Variants in KLF12 observed in about 807,000 individuals in gnomAD.
KLF12 encodes the protein Krueppel-like factor 12.
A neutral mutation model predicts 37.8 loss-of-function variants in KLF12; 9 were observed. The observed-to-expected ratio is 0.24, with a 90% CI of 0.14 to 0.42. The LOEUF is 0.42. KLF12 is among the 10% of genes least tolerant of loss of function. The pLI, the probability that KLF12 is intolerant of heterozygous loss-of-function variation, is 1.00. For missense variants in KLF12, 411 were observed against 516.0 expected (o/e 0.80, Z 1.97); for synonymous variants, 208 against 202.1 (o/e 1.03, Z -0.25).
At chr13:74,217,898 T>C in the KLF12 span, among the ~76,000 whole-genome samples, 1 of 152,332 alleles carries the variant, frequency 6.6e-6, no homozygotes, top group East Asian at 1.9e-4. Flanking sequence ...CTTACAATGA[T>C]GTGCTGGAAT....
chr13:74,217,396 A>G, the KLF12 span, among the ~76,000 whole-genome samples: 1 of 152,046 alleles, frequency 6.6e-6, no homozygotes. Context: ...GTCCTCCACA[A>G]TATAAAGAGA....
intron 2 of KLF12, among the ~76,000 whole-genome samples, chr13:73,992,952 C>A (rs553481063): frequency 6.6e-6 from 1 of 152,290 alleles, no homozygotes; most frequent in South Asian, 2.1e-4. Context: ...AGCAGTGAGG[C>A]TGGGCACAGT....
the KLF12 span, among the ~76,000 whole-genome samples, chr13:74,157,777 G>A: frequency 6.6e-6 from 1 of 152,188 alleles, no homozygotes; most frequent in African/African-American, 2.4e-5. Context: ...TTAAGCACAA[G>A]GAATTTACTG....
chr13:73,973,689 G>A (rs912801145), intron 2 of KLF12, among the ~76,000 whole-genome samples: 1 of 151,970 alleles, frequency 6.6e-6, no homozygotes, highest in African/African-American at 2.4e-5. Flanking sequence ...AAGTCATAGG[G>A]AAAACAGGTA....
chr13:74,060,230 T>C (rs1873492150), intron 1 of KLF12, among the ~76,000 whole-genome samples: 1 of 152,192 alleles, frequency 6.6e-6, no homozygotes, highest in South Asian at 2.1e-4. Flanking sequence ...TAGGATTGTT[T>C]TGGTTGCTCG....
At chr13:74,238,165 G>T in the KLF12 span, among the ~76,000 whole-genome samples, 1 of 131,988 alleles carries the variant, frequency 7.6e-6, no homozygotes. Context: ...GTTGAATTTT[G>T]TCAAAAGCTT....
the KLF12 span, among the ~76,000 whole-genome samples, chr13:74,149,038 C>T: frequency 6.6e-6 from 1 of 152,164 alleles, no homozygotes; most frequent in African/African-American, 2.4e-5. Context: ...TTGTCTTGAA[C>T]CCCTGACCTC....
At position 74,065,419 on chromosome 13, in the gene KLF12, A is replaced by G. The variant is rs75300930; in HGVS notation, c.-32+68320T>C. 8.8e-3 allele frequency among the ~76,000 whole-genome samples: 1,328 copies of G among 151,516 alleles called. 25 individuals are homozygous for G. Among genetic ancestry groups the G allele is most frequent in the African/African-American group, 0.031 (1,267 of 41,354 alleles). On this transcript the variant is annotated intron_variant, in intron 1 of 7. Coordinates refer to ENST00000377669, the MANE Select transcript of KLF12 (RefSeq NM_007249.5). ...ATGTCAAAGTTACTATAACTTATAC[A>G]ATGAAGTAATTTATCTGGATCTTCA... is the stretch of plus-strand genomic sequence containing the variant.
chr13:74,105,065 A>G (rs929394304), intron 1 of KLF12, among the ~76,000 whole-genome samples: 1 of 152,222 alleles, frequency 6.6e-6, no homozygotes, highest in African/African-American at 2.4e-5. Flanking sequence ...AGGGCCAAGT[A>G]CAGCAGAAGT....
chr13:73,942,240 T>TTGC (rs1271169344), intron 3 of KLF12, among the ~76,000 whole-genome samples: 3 of 152,140 alleles, frequency 2.0e-5, no homozygotes, highest in African/African-American at 4.8e-5. Context: ...TCTGACTGGT[T>TTGC]TGCTATAGTT....
At chr13:74,165,754 A>G in the KLF12 span, among the ~76,000 whole-genome samples, 5,364 of 152,294 alleles carry the variant, frequency 0.035, 297 homozygotes, top group African/African-American at 0.12. Context: ...CTGATGTCTC[A>G]TTAGCTACAA....
chr13:74,016,336 C>T (rs1892687482), intron 1 of KLF12, among the ~76,000 whole-genome samples: 1 of 152,064 alleles, frequency 6.6e-6, no homozygotes, highest in East Asian at 1.9e-4. Context: ...AAAAACAATA[C>T]GGAGTATCTG....
intron 5 of KLF12, among the ~76,000 whole-genome samples, chr13:73,769,980 T>C (rs984910475): frequency 2.6e-5 from 4 of 152,208 alleles, no homozygotes; most frequent in Non-Finnish European, 5.9e-5. Flanking sequence ...ACGTTCTTTT[T>C]CTAAAACCAT....
intron 3 of KLF12, among the ~76,000 whole-genome samples, chr13:73,930,969 A>G (rs1051418908): frequency 7.0e-6 from 1 of 143,116 alleles, no homozygotes; most frequent in Non-Finnish European, 1.5e-5. Context: ...CAATTCTCCT[A>G]CCTCAGACTC....
chr13:73,927,961 GATTC>G (rs1460835158), intron 3 of KLF12, among the ~76,000 whole-genome samples: 26 of 150,672 alleles, frequency 1.7e-4, no homozygotes, highest in African/African-American at 6.3e-4. Context: ...GGGTTCAAGT[GATTC>G]TCCTGCCTCA....
At chr13:74,071,607 G>A (rs1874249104) in intron 1 of KLF12, among the ~76,000 whole-genome samples, 1 of 152,092 alleles carries the variant, frequency 6.6e-6, no homozygotes, top group Non-Finnish European at 1.5e-5. Flanking sequence ...GCAGGAGAAT[G>A]GCGTGAACTC....
intron 3 of KLF12, among the ~76,000 whole-genome samples, chr13:73,848,045 A>G (rs182386317): frequency 2.0e-5 from 3 of 152,354 alleles, no homozygotes; most frequent in East Asian, 1.9e-4. Context: ...AAGATAAAAC[A>G]TATCAGTAAG....
intron 6 of KLF12, among the ~76,000 whole-genome samples, chr13:73,761,173 T>C (rs1879524327): frequency 6.6e-6 from 1 of 152,168 alleles, no homozygotes; most frequent in Non-Finnish European, 1.5e-5. Flanking sequence ...AACTCTCTAA[T>C]AAGAATTTTC....
At chr13:73,890,723 A>T (rs1016302851) in intron 3 of KLF12, among the ~76,000 whole-genome samples, 13 of 152,200 alleles carry the variant, frequency 8.5e-5, no homozygotes, top group African/African-American at 2.2e-4. Context: ...GTTTAAAAAA[A>T]AAAAATAAAA....
Sources: allele counts gnomAD v4.1 joint callset (sites outside exome capture counted in the v4.1 genomes callset), GRCh38; gene constraint gnomAD v4.1.1; transcripts MANE v1.5; gene names NCBI Gene and HGNC (gene_info 2026-07-23, HGNC 2026-07-21).